The following ZMAT4 variants were observed in gnomAD, a reference collection of about 807,000 sequenced individuals.
ZMAT4 encodes the protein zinc finger matrin-type 4.
In ZMAT4, 17 loss-of-function variants were observed where a neutral mutation model predicts 28.7. That is an observed-to-expected ratio of 0.59 (90% CI 0.41 to 0.89). The LOEUF (loss-of-function observed/expected upper bound fraction) is 0.89, where lower values mean the gene tolerates loss of function less well. ZMAT4 is among the 40% of genes least tolerant of loss of function. The pLI is 0.00. For missense variants in ZMAT4, 240 were observed against 283.8 expected, an observed-to-expected ratio of 0.85 and a Z score of 1.11; for synonymous variants, 117 against 109.2, an observed-to-expected ratio of 1.07 and a Z score of -0.44.
chr8:40,840,181 TGTC>T (rs532554338), intron 1 of ZMAT4, among the ~76,000 whole-genome samples: 65 of 152,304 alleles, frequency 4.3e-4, no homozygotes, highest in Admixed American at 3.7e-3. Context: ...TTCAGCAGCC[TGTC>T]CCTTCAGGAA....
At chr8:40,837,891 G>A (rs1314554883) in intron 1 of ZMAT4, among the ~76,000 whole-genome samples, 1 of 152,180 alleles carries the variant, frequency 6.6e-6, no homozygotes, top group Admixed American at 6.5e-5. Flanking sequence ...CAAGAAGTCT[G>A]CTCTGTTTCT....
chr8:40,620,531 A>G (rs1396588621), intron 5 of ZMAT4, among the ~76,000 whole-genome samples: 1 of 152,180 alleles, frequency 6.6e-6, no homozygotes, highest in Admixed American at 6.5e-5. Context: ...AGCAAACCAA[A>G]TATTTTGTTC....
chr8:40,624,203 G>A (rs532129598), intron 5 of ZMAT4, among the ~76,000 whole-genome samples: 5 of 152,316 alleles, frequency 3.3e-5, no homozygotes, highest in South Asian at 2.1e-4. Context: ...AAGTGAGATC[G>A]CAAGGGTAGA....
chr8:40,861,501 G>A (rs957575648), intron 1 of ZMAT4, among the ~76,000 whole-genome samples: 6 of 152,174 alleles, frequency 3.9e-5, no homozygotes, highest in Non-Finnish European at 8.8e-5. Flanking sequence ...TACCATTCAG[G>A]ACATAGGCAT....
intron 6 of ZMAT4, among the ~76,000 whole-genome samples, chr8:40,560,562 T>C (rs1427631501): frequency 1.3e-5 from 2 of 151,936 alleles, no homozygotes; most frequent in Admixed American, 6.6e-5. Flanking sequence ...ATGGAGTCAC[T>C]TGTGTCTTGT....
intron 2 of ZMAT4, among the ~76,000 whole-genome samples, chr8:40,794,471 T>C (rs1814498157): frequency 2.0e-5 from 3 of 152,184 alleles, no homozygotes; most frequent in South Asian, 4.1e-4. Context: ...CCAGGCACTC[T>C]CTACAGAATA....
At chr8:40,601,013 T>A (rs1805284319) in intron 5 of ZMAT4, among the ~76,000 whole-genome samples, 1 of 152,168 alleles carries the variant, frequency 6.6e-6, no homozygotes, top group Non-Finnish European at 1.5e-5. Context: ...AAGACTCACC[T>A]CCATCCCATC....
intron 3 of ZMAT4, among the ~76,000 whole-genome samples, chr8:40,736,046 A>G (rs1811747424): frequency 6.6e-6 from 1 of 152,240 alleles, no homozygotes; most frequent in African/African-American, 2.4e-5. Flanking sequence ...AGATGCAGTA[A>G]TGCCACAGTG....
intron 3 of ZMAT4, among the ~76,000 whole-genome samples, chr8:40,753,756 A>T (rs1812555654): frequency 6.6e-6 from 1 of 152,224 alleles, no homozygotes; most frequent in Admixed American, 6.5e-5. Context: ...ATCACCTACA[A>T]GGTGTGTAAC....
intron 3 of ZMAT4, among the ~76,000 whole-genome samples, chr8:40,722,481 A>T (rs1374668006): frequency 6.6e-6 from 1 of 152,190 alleles, no homozygotes; most frequent in African/African-American, 2.4e-5. Flanking sequence ...CCACTTCCCC[A>T]GCTTTATTAT....
At chr8:40,779,378 A>C (rs1028609536) in intron 2 of ZMAT4, among the ~76,000 whole-genome samples, 3 of 151,982 alleles carry the variant, frequency 2.0e-5, no homozygotes, top group Admixed American at 2.0e-4. Flanking sequence ...CCACCAAGAA[A>C]CGCCCAGAGC....
At chr8:40,599,475 G>C (rs892812818) in intron 5 of ZMAT4, among the ~76,000 whole-genome samples, 3 of 152,096 alleles carry the variant, frequency 2.0e-5, no homozygotes, top group Non-Finnish European at 4.4e-5. Flanking sequence ...ATATTTCCCA[G>C]ATAAAATTGG....
chr8:40,558,462 T>C (rs1803619250), intron 6 of ZMAT4, among the ~76,000 whole-genome samples: 1 of 151,936 alleles, frequency 6.6e-6, no homozygotes, highest in Non-Finnish European at 1.5e-5. Context: ...GGGGGCAGAT[T>C]TGAGGCGTGT....
chr8:40,810,270 C>T (rs974286856), intron 2 of ZMAT4, among the ~76,000 whole-genome samples: 1 of 152,102 alleles, frequency 6.6e-6, no homozygotes, highest in African/African-American at 2.4e-5. Flanking sequence ...AAAGCATACA[C>T]TAAACAAATA....
At chr8:40,881,528 CAGAAAGAAAGAAAGAAAGAA>C (rs201960642) in intron 1 of ZMAT4, among the ~76,000 whole-genome samples, 718 of 51,882 alleles carry the variant, frequency 0.014, 6 homozygotes, top group African/African-American at 0.03. Flanking sequence ...GAGAGAGAGA[CAGAAAGAAAGAAAGAAAGAA>C]AGAAAGAAAG....
chr8:40,772,018 A>G (rs1477136522), intron 2 of ZMAT4, among the ~76,000 whole-genome samples: 1 of 152,210 alleles, frequency 6.6e-6, no homozygotes, highest in Non-Finnish European at 1.5e-5. Context: ...ACAGAGTTTC[A>G]GGGGGAAAAA....
At chr8:40,784,314 A>G (rs1037320061) in intron 2 of ZMAT4, among the ~76,000 whole-genome samples, 2 of 152,220 alleles carry the variant, frequency 1.3e-5, no homozygotes, top group African/African-American at 4.8e-5. Flanking sequence ...TAACAGAAGA[A>G]AAACTGCATA....
chr8:40,863,069 T>C (rs573983150), intron 1 of ZMAT4, among the ~76,000 whole-genome samples: 1 of 152,060 alleles, frequency 6.6e-6, no homozygotes, highest in East Asian at 1.9e-4. Context: ...TCCATTCTGG[T>C]GAAGCAGAGG....
At chr8:40,678,629 C>A (rs899452906) in intron 4 of ZMAT4, among the ~76,000 whole-genome samples, 3 of 152,180 alleles carry the variant, frequency 2.0e-5, no homozygotes, top group Non-Finnish European at 4.4e-5. Context: ...TTCTTAAATA[C>A]CACCTTGTAA....
Sources: allele counts gnomAD v4.1 joint callset (sites outside exome capture counted in the v4.1 genomes callset), GRCh38; gene constraint gnomAD v4.1.1; transcripts MANE v1.5; gene names NCBI Gene and HGNC (gene_info 2026-07-23, HGNC 2026-07-21).